MICAL3: variants seen among roughly 807,000 people sequenced by gnomAD.
MICAL3 encodes microtubule associated monooxygenase, calponin and LIM domain containing 3.
In MICAL3, 62 loss-of-function variants were observed where a neutral mutation model predicts 207.4. The observed-to-expected ratio is 0.30, with a 90% confidence interval of 0.24 to 0.37. MICAL3 has a LOEUF of 0.37. MICAL3 is among the 10% of genes least tolerant of loss of function. The pLI is 1.00. For synonymous variants in MICAL3, 1,077 were observed against 1,069.3 expected (o/e 1.01, Z -0.14); for missense variants, 2,368 against 2,635.6 (o/e 0.90, Z 2.22).
At chr22:18,003,856 G>A (rs1392632859) in intron 1 of MICAL3, among the ~76,000 whole-genome samples, 3 of 151,676 alleles carry the variant, frequency 2.0e-5, no homozygotes, top group East Asian at 1.9e-4. Flanking sequence ...TGCAACCTCC[G>A]CCTCCCGGGT....
intron 20 of MICAL3, among the ~76,000 whole-genome samples, chr22:17,838,390 C>A (rs1300653946): frequency 6.6e-6 from 1 of 152,224 alleles, no homozygotes; most frequent in East Asian, 1.9e-4. Context: ...CCGGCATCAA[C>A]CCCGTTTAAG....
At chr22:17,812,641 T>C in intron 27 of MICAL3, 4 of 611,674 alleles carry the variant, frequency 6.5e-6, no homozygotes, top group Non-Finnish European at 8.2e-6. Flanking sequence ...AACACAGAAA[T>C]GGAGCAAAAT....
In MICAL3 at chr22:17,818,234, A is replaced by G. The variant is rs1388512678; in HGVS notation, c.4427T>C (p.Leu1476Pro). 1 of 1,494,470 alleles carries G rather than the reference A, an allele frequency of 6.7e-7. No homozygotes were observed. Among genetic ancestry groups the G allele is most frequent in the African/African-American group, 1.6e-5 (1 of 63,332 alleles). 92.6% of individuals were successfully genotyped at this position (1,494,470 alleles called of 1,614,324 possible). A position where few individuals can be genotyped will look rare whatever the true frequency, so the allele number is the denominator to read the frequency against. ...GEEPATLRRKLREAEPNASVV... is the reference protein window; with the variant it reads ...GEEPATLRRKPREAEPNASVV... ...CGAGGCATTGGGCTCGGCCTCCCTG[A>G]GCTTCCTCCGCAAGGTGGCGGGCTC... Residue 1476 changes from leucine to proline, a missense_variant, in exon 26 of 32, where the codon CTC becomes CCC. Around this residue, in one of 4 missense-constraint regions of MICAL3, gnomAD observed 1,770 missense variants for 1,863.2 expected, o/e 0.95. Transcript: ENST00000441493.
At chr22:17,976,535 A>ATGTGTGTGTGTG (rs148517944) in intron 1 of MICAL3, among the ~76,000 whole-genome samples, 2 of 97,056 alleles carry the variant, frequency 2.1e-5, no homozygotes, top group South Asian at 3.7e-4. Flanking sequence ...GTGTATATAT[A>ATGTGTGTGTGTG]TGTGTGTGTG....
At chr22:17,972,252 C>G (rs1015588043) in intron 1 of MICAL3, among the ~76,000 whole-genome samples, 10 of 152,196 alleles carry the variant, frequency 6.6e-5, no homozygotes, top group African/African-American at 2.4e-4. Context: ...AATCTTGAGA[C>G]AAGAAAATAT....
intron 29 of MICAL3, among the ~76,000 whole-genome samples, chr22:17,801,254 G>T (rs1448259160): frequency 1.3e-5 from 1 of 74,326 alleles, no homozygotes; most frequent in Non-Finnish European, 2.3e-5. Flanking sequence ...CCGGGTTCAC[G>T]CCATTCTCCT....
intron 1 of MICAL3, among the ~76,000 whole-genome samples, chr22:17,989,528 T>A (rs968133016): frequency 2.0e-5 from 3 of 151,894 alleles, no homozygotes; most frequent in African/African-American, 7.3e-5. Flanking sequence ...CAGGCTGGCC[T>A]CCTCGCTGCC....
chr22:17,875,849 G>A (rs1928277367), intron 16 of MICAL3, among the ~76,000 whole-genome samples: 1 of 152,180 alleles, frequency 6.6e-6, no homozygotes, highest in Non-Finnish European at 1.5e-5. Flanking sequence ...CTCTGAATGG[G>A]TAAGGCAGCC....
Position 17,841,919 on chromosome 22 carries a change from G to C in MICAL3, c.2704C>G (p.Gln902Glu). ...ELENYRLSLR[Q>E]AEALQEVPEE... is the part of the protein sequence containing the mutation. Reference sequence around the variant, plus strand: ...GGTACCTCCTGCAGTGCCTCAGCCTGCCTCAGGGACAGGCGGTAGTTCTCC... The same window carrying C: ...GGTACCTCCTGCAGTGCCTCAGCCTCCCTCAGGGACAGGCGGTAGTTCTCC... The change falls in exon 20 of 32, where the codon CAG (glutamine) becomes GAG (glutamate). Residue 902 changes from glutamine (Q) to glutamate (E), a missense_variant. Physicochemically the swap from Gln to Glu is conservative, Grantham distance 29 (BLOSUM62 2). Around this residue, in one of 4 missense-constraint regions of MICAL3, gnomAD observed 1,770 missense variants for 1,863.2 expected, o/e 0.95. Coordinates refer to ENST00000441493, the MANE Select transcript of MICAL3 (RefSeq NM_015241.3). This position sits in a 1 kb window ranked among gnomAD's most constrained non-coding sequence, Gnocchi z 4.2. 1 of 1,598,220 alleles carries C rather than the reference G, an allele frequency of 6.3e-7. No homozygotes were observed. Among genetic ancestry groups the C allele is most frequent in the Non-Finnish European group, 8.5e-7 (1 of 1,174,052 alleles).
chr22:17,968,603 GGA>G lies in MICAL3; in HGVS notation c.-75+55676_-75+55677del, dbSNP rs577226250. ...ATAAACAACCAACCTGAAATGCCTG[GGA>G]GAGTGTCCAACTGAGAGCCGATACT... On this transcript the variant is annotated intron_variant, in intron 1 of 31. Transcript: ENST00000441493. Among the ~76,000 whole-genome samples, 159 of 152,232 alleles carry G rather than the reference GGA, an allele frequency of 1.0e-3. 3 individuals carry two copies. The South Asian group carries it at 0.032, about 31-fold the overall frequency.
rs549509139 is a variant in MICAL3 at position 17,969,334 on chromosome 22, C to T, written c.-75+54947G>A. Among the ~76,000 whole-genome samples the T allele has an allele frequency of 7.7e-4, 118 of 152,310 alleles. 1 individual carries two copies. Among genetic ancestry groups the T allele is most frequent in the African/African-American group, 2.6e-3 (109 of 41,564 alleles). On this transcript the variant is annotated intron_variant, in intron 1 of 31. Coordinates refer to ENST00000441493, the MANE Select transcript of MICAL3 (RefSeq NM_015241.3). ...GATTACAGGCATGAGCCACTGCACC[C>T]GGCCAAATGAGGACTCTTGTAGAAA...
At chr22:18,017,275 G>T (rs190966312) in intron 1 of MICAL3, among the ~76,000 whole-genome samples, 1 of 151,770 alleles carries the variant, frequency 6.6e-6, no homozygotes, top group Non-Finnish European at 1.5e-5. Flanking sequence ...GTGCAATGGC[G>T]CAATCTCGGC....
rs753033936 is a variant in MICAL3, at chr22:17,885,942, G to A, written c.2177C>T (p.Ala726Val). The A allele has an allele frequency of 1.9e-6, 3 of 1,613,988 alleles. No homozygotes were observed. Among genetic ancestry groups the A allele is most frequent in the Non-Finnish European group, 2.5e-6 (3 of 1,179,884 alleles). Residue 726 changes from alanine to valine, a missense_variant, in exon 16 of 32, where the codon GCG becomes GTG. Ala to Val is a moderately conservative substitution (Grantham distance 64, BLOSUM62 0). Coordinates refer to ENST00000441493, the MANE Select transcript of MICAL3 (RefSeq NM_015241.3). The stretch of plus-strand genomic sequence containing the variant: ...TTCAAATTTGGCCAGCAGCTGGGTC[G>A]CCATGTACTTCACTTTGTTCTGGTT... Reference protein sequence around the residue: ...VGNQNKVKYMATQLLAKFEEN... With the variant: ...VGNQNKVKYMVTQLLAKFEEN...
intron 1 of MICAL3, among the ~76,000 whole-genome samples, chr22:17,930,208 G>A (rs970319530): frequency 5.9e-5 from 9 of 152,194 alleles, no homozygotes; most frequent in African/African-American, 1.4e-4. Flanking sequence ...GACAATGCGC[G>A]TGGTGAACTC....
chr22:17,810,457 C>CA (rs1344013027), intron 28 of MICAL3, among the ~76,000 whole-genome samples: 1 of 152,226 alleles, frequency 6.6e-6, no homozygotes, highest in Admixed American at 6.5e-5. Context: ...CTCAGCCTCC[C>CA]AAAGTGCTGG....
Position 17,914,999 on chromosome 22 carries a change from T to C in MICAL3, c.-74-8113A>G, listed in dbSNP as rs1327907207. Reference sequence around the variant, plus strand: ...AGTACAGACCAAAAGACCCACACCTTCCTGACCCACTAATCTAAGAGCCCT... The same window carrying C: ...AGTACAGACCAAAAGACCCACACCTCCCTGACCCACTAATCTAAGAGCCCT... On this transcript the variant is annotated intron_variant, in intron 1 of 31. Transcript: ENST00000441493. Among the ~76,000 whole-genome samples the C allele has an allele frequency of 2.0e-5, 3 of 151,958 alleles. No homozygotes were observed. In the South Asian group the frequency reaches 6.2e-4, roughly 32 times the overall value.
intron 16 of MICAL3, chr22:17,876,797 A>ATGGAG (rs1928468373): frequency 2.5e-5 from 1 of 39,770 alleles, no homozygotes; most frequent in African/African-American, 1.0e-4. Context: ...AGGTTAGGGA[A>ATGGAG]GTTATGGAGG....
chr22:17,991,040 C>CA lies in MICAL3; in HGVS notation c.-75+33240dup, dbSNP rs1731751274. ...CAACTGCACACGGAGCTGAGTGGGG[C>CA]AGCGCAGCAGAGATGGTCCACACGG... On this transcript the variant is annotated intron_variant, in intron 1 of 31. Transcript: ENST00000441493. Among the ~76,000 whole-genome samples the CA allele has an allele frequency of 2.6e-5, 4 of 152,208 alleles. No homozygotes were observed. The South Asian group carries it at 8.3e-4, about 32-fold the overall frequency.
At chr22:17,844,013 G>A (rs1280741684) in intron 19 of MICAL3, among the ~76,000 whole-genome samples, 1 of 152,134 alleles carries the variant, frequency 6.6e-6, no homozygotes, top group African/African-American at 2.4e-5. Flanking sequence ...CACCCGGCTA[G>A]TTTTTTTGTA....
Sources: allele counts gnomAD v4.1 joint callset (sites outside exome capture counted in the v4.1 genomes callset), GRCh38; gene constraint gnomAD v4.1.1; regional missense constraint gnomAD v4.1.1; non-coding constraint Gnocchi (gnomAD v3.1); transcripts MANE v1.5; gene names NCBI Gene and HGNC (gene_info 2026-07-23, HGNC 2026-07-21).